PDE11A: variants seen among roughly 807,000 people sequenced by gnomAD.
The protein encoded by PDE11A is dual 3',5'-cyclic-AMP and -GMP phosphodiesterase 11A.
In PDE11A, 100 loss-of-function variants were observed where a neutral mutation model predicts 100.5. The ratio of observed to expected loss-of-function variants is 1.00; its 90% confidence interval spans 0.85 to 1.18. PDE11A has a LOEUF of 1.18. Ranked by LOEUF, PDE11A falls within the 50% of genes most tolerant of loss-of-function variation. PDE11A has a pLI of 0.00. For missense variants in PDE11A, 1,141 were observed against 1,152.6 expected (o/e 0.99, Z 0.15); for synonymous variants, 381 against 420.8 (o/e 0.91, Z 1.16).
chr2:177,758,503 T>C (rs916925914), intron 10 of PDE11A, among the ~76,000 whole-genome samples: 8 of 152,062 alleles, frequency 5.3e-5, no homozygotes, highest in African/African-American at 1.9e-4. Context: ...CAACATGCAG[T>C]ATTCTGGGGA....
At chr2:177,760,751 G>A (rs2082157025) in intron 10 of PDE11A, among the ~76,000 whole-genome samples, 1 of 152,202 alleles carries the variant, frequency 6.6e-6, no homozygotes, top group South Asian at 2.1e-4. Flanking sequence ...TACAAAGACT[G>A]TTAAAAGGGC....
rs77597060 is a variant in PDE11A, at chr2:177,727,728, T to C, written c.1973A>G (p.Tyr658Cys). Residue 658 changes from tyrosine (Y) to cysteine (C), a missense_variant, in exon 12 of 20, where the codon TAT becomes TGT. Tyr to Cys is a radical substitution (Grantham distance 194, BLOSUM62 -2). Transcript: ENST00000286063. Reference sequence around the variant, plus strand: ...CCAGTTGTGGTATAGAACCATCCGATAGTTTTTCCTCACTGTCAAAAGCCA... The same window carrying C: ...CCAGTTGTGGTATAGAACCATCCGACAGTTTTTCCTCACTGTCAAAAGCCA... The part of the protein sequence containing the change: ...CRWLLTVRKN[Y>C]RMVLYHNWRH... The C allele has an allele frequency of 7.1e-4, 1,148 of 1,611,622 alleles. 1 individual carries two copies. The highest frequency in any genetic ancestry group is 1.5e-3 in the Middle Eastern group (9 of 6,054).
intron 2 of PDE11A, among the ~76,000 whole-genome samples, chr2:177,960,665 GA>G (rs35244974): frequency 0.064 from 9,548 of 149,978 alleles, 314 homozygotes; most frequent in South Asian, 0.094. Flanking sequence ...AAGTCAAGAA[GA>G]AAAAAAAATG....
chr2:177,780,922 T>C (rs1057262638), intron 9 of PDE11A, among the ~76,000 whole-genome samples: 1 of 152,246 alleles, frequency 6.6e-6, no homozygotes, highest in Non-Finnish European at 1.5e-5. Context: ...TTTCTTATTA[T>C]TCATATGTTC....
chr2:178,045,361 C>T (rs2086736453), intron 1 of PDE11A, among the ~76,000 whole-genome samples: 1 of 152,148 alleles, frequency 6.6e-6, no homozygotes, highest in South Asian at 2.1e-4. Context: ...GAAAGTTTTT[C>T]ATATTTAATG....
At position 177,730,323 on chromosome 2, in the gene PDE11A, G is replaced by A. The variant is rs941870487; in HGVS notation, c.1789-2151C>T. 3.9e-5 allele frequency among the ~76,000 whole-genome samples: 6 copies of A among 151,964 alleles called. No homozygotes were observed. The East Asian group carries it at 5.8e-4, about 15-fold the overall frequency. ...TTCCCACCTATGAGTGAGAACATGCGGTGTTTGGTTGTAAGCCCTTTTCTT... is the reference window on the plus strand; with the variant it reads ...TTCCCACCTATGAGTGAGAACATGCAGTGTTTGGTTGTAAGCCCTTTTCTT... On this transcript the variant is annotated intron_variant, in intron 10 of 19. Transcript: ENST00000286063.
At chr2:178,043,670 C>T (rs1230801541) in intron 1 of PDE11A, among the ~76,000 whole-genome samples, 1 of 152,102 alleles carries the variant, frequency 6.6e-6, no homozygotes, top group Non-Finnish European at 1.5e-5. Flanking sequence ...TTACCAGGAG[C>T]CTACCATATA....
At chr2:177,905,683 T>A (rs2084775405) in intron 2 of PDE11A, among the ~76,000 whole-genome samples, 1 of 152,216 alleles carries the variant, frequency 6.6e-6, no homozygotes, top group African/African-American at 2.4e-5. Flanking sequence ...TAGACCTATC[T>A]GCTACCAGTT....
At chr2:178,055,671 T>A (rs1247536632) in intron 1 of PDE11A, among the ~76,000 whole-genome samples, 1 of 152,052 alleles carries the variant, frequency 6.6e-6, no homozygotes, top group African/African-American at 2.4e-5. Context: ...ATTATTATTA[T>A]CATGATTATT....
At chr2:178,055,428 C>T (rs993373665) in intron 1 of PDE11A, among the ~76,000 whole-genome samples, 1 of 151,978 alleles carries the variant, frequency 6.6e-6, no homozygotes, top group Non-Finnish European at 1.5e-5. Flanking sequence ...AGCACACCAA[C>T]GTGGCACATG....
At chr2:177,803,072 TA>T (rs914500849) in intron 9 of PDE11A, among the ~76,000 whole-genome samples, 5 of 151,276 alleles carry the variant, frequency 3.3e-5, no homozygotes, top group Non-Finnish European at 4.4e-5. Flanking sequence ...AATGCTTTTG[TA>T]AAAAAAAGAT....
chr2:177,760,023 C>T (rs576978618), intron 10 of PDE11A, among the ~76,000 whole-genome samples: 1 of 152,272 alleles, frequency 6.6e-6, no homozygotes, highest in African/African-American at 2.4e-5. Context: ...AACTCCATGA[C>T]ATTGCTTCCA....
chr2:178,089,616 A>G (rs987907264), intron 2 of PDE11A, among the ~76,000 whole-genome samples: 5 of 152,360 alleles, frequency 3.3e-5, no homozygotes, highest in African/African-American at 7.2e-5. Context: ...AAACTGCACT[A>G]AGTGGATCAA....
intron 9 of PDE11A, among the ~76,000 whole-genome samples, chr2:177,772,810 T>C (rs1249426214): frequency 6.6e-6 from 1 of 152,162 alleles, no homozygotes; most frequent in African/African-American, 2.4e-5. Flanking sequence ...TCATTTAAAA[T>C]TACAATAGTT....
chr2:177,923,215 T>G lies in PDE11A; in HGVS notation c.1072-18028A>C, dbSNP rs551351775. On this transcript the variant is annotated intron_variant, in intron 2 of 19. Transcript: ENST00000286063. ...TAAAAAATACAGGGTCTTGCTCTGC[T>G]GCCAAGGCTGGAGTGCAGTGGCACA... is the stretch of plus-strand genomic sequence containing the variant. 2.0e-5 allele frequency among the ~76,000 whole-genome samples: 3 copies of G among 152,130 alleles called. No individual in the cohort carries two copies. The East Asian group carries it at 5.8e-4, about 29-fold the overall frequency.
At chr2:177,965,857 A>T (rs1214723083) in intron 2 of PDE11A, among the ~76,000 whole-genome samples, 1 of 152,206 alleles carries the variant, frequency 6.6e-6, no homozygotes, top group Non-Finnish European at 1.5e-5. Context: ...TACTGGTTCC[A>T]TATGAATTTT....
intron 2 of PDE11A, among the ~76,000 whole-genome samples, chr2:177,942,406 A>ATTTTT (rs34568974): frequency 2.2e-5 from 3 of 136,864 alleles, no homozygotes; most frequent in East Asian, 2.0e-4. Flanking sequence ...TTTTAAAATT[A>ATTTTT]TTTTTTTTTT....
At chr2:177,738,968 T>C (rs2081833990) in intron 10 of PDE11A, among the ~76,000 whole-genome samples, 1 of 152,186 alleles carries the variant, frequency 6.6e-6, no homozygotes, top group South Asian at 2.1e-4. Flanking sequence ...CTAATGAACA[T>C]CATATTCCCT....
At chr2:178,050,445 T>C (rs911083584) in intron 1 of PDE11A, among the ~76,000 whole-genome samples, 5 of 152,180 alleles carry the variant, frequency 3.3e-5, no homozygotes, top group African/African-American at 1.2e-4. Context: ...AGAGTGCCTC[T>C]TCTCCTCTAA....
Sources: allele counts gnomAD v4.1 joint callset (sites outside exome capture counted in the v4.1 genomes callset), GRCh38; gene constraint gnomAD v4.1.1; transcripts MANE v1.5; gene names NCBI Gene and HGNC (gene_info 2026-07-23, HGNC 2026-07-21).